The following NBPF3 variants were observed in gnomAD, a reference collection of about 807,000 sequenced individuals.
NBPF3 encodes the protein NBPF member 3, also known as NBPF family member NBPF3.
In NBPF3, 57 loss-of-function variants were observed where a neutral mutation model predicts 78.1. The observed-to-expected ratio is 0.73, with a 90% CI of 0.59 to 0.91. The LOEUF (loss-of-function observed/expected upper bound fraction) is 0.91. Among genes scored for constraint, NBPF3 ranks in the 40% least tolerant of loss-of-function variants. The probability of loss-of-function intolerance (pLI) is 0.00; values close to 1 mark genes in which losing one functional copy is unlikely to be tolerated. For synonymous variants in NBPF3, 182 were observed against 271.7 expected, an observed-to-expected ratio of 0.67 and a Z score of 3.25; for missense variants, 510 against 715.3, an observed-to-expected ratio of 0.71 and a Z score of 3.27.
chr1:21,470,123 A>G (rs7537914), intron 3 of NBPF3, among the ~76,000 whole-genome samples: 101,949 of 152,088 alleles, frequency 0.67, 35,356 homozygotes, highest in South Asian at 0.87. Context: ...CTCATCCTTT[A>G]TGCTTCAGAT....
At chr1:21,467,625 C>G (rs1642350136) in intron 2 of NBPF3, among the ~76,000 whole-genome samples, 1 of 152,176 alleles carries the variant, frequency 6.6e-6, no homozygotes, top group African/African-American at 2.4e-5. Flanking sequence ...TGGCCCTGTT[C>G]TTTTCAGTAT....
At position 21,471,896 on chromosome 1, in the gene NBPF3, A is replaced by T. The variant is rs1366375547; in HGVS notation, c.661+113A>T. ...GGTGGTGTTTTTTCCCACTAAACGT[A>T]TGTGGCCGTGACATAAGTGACATAA... On this transcript the variant is annotated intron_variant, in intron 5 of 14. Coordinates refer to ENST00000318249, the MANE Select transcript of NBPF3 (RefSeq NM_032264.6). The T allele has an allele frequency of 5.0e-6, 7 of 1,409,898 alleles. No individual in the cohort carries two copies. The East Asian group carries it at 7.0e-5, about 14-fold the overall frequency. 87.3% of individuals were successfully genotyped at this position (1,409,898 alleles called of 1,614,324 possible).
At chr1:21,469,845 A>G (rs1263961491) in intron 3 of NBPF3, among the ~76,000 whole-genome samples, 3 of 152,150 alleles carry the variant, frequency 2.0e-5, no homozygotes, top group Non-Finnish European at 2.9e-5. Context: ...CAGTGTGCAG[A>G]CCAGGGACTC....
Position 21,460,084 on chromosome 1 carries a change from G to GT in NBPF3, c.134-8602dup, listed in dbSNP as rs530759759. 5.8e-3 allele frequency: 338 copies of GT among 58,770 alleles called. 100 individuals are homozygous for GT. Among genetic ancestry groups the GT allele is most frequent in the African/African-American group, 0.012 (307 of 24,580 alleles). The allele number at this position is 58,770 out of a possible 1,614,324, so 3.6% of individuals were successfully genotyped here. A position where few individuals can be genotyped will look rare whatever the true frequency, so the allele number is the denominator to read the frequency against. On this transcript the variant is annotated intron_variant, in intron 2 of 14. Coordinates refer to ENST00000318249, the MANE Select transcript of NBPF3 (RefSeq NM_032264.6). This position sits in a 1 kb window ranked among gnomAD's most constrained non-coding sequence, Gnocchi z 4.2. ...TGTAGATAGAGGCGTCCACCTGGCC[G>GT]TTGCGCGGCTGCGGGGGCTCCTCTG... is the stretch of plus-strand genomic sequence containing the variant.
At chr1:21,438,553 C>T (rs2147876086), upstream of NBPF3, among the ~76,000 whole-genome samples, 1 of 152,266 alleles carries the variant, frequency 6.6e-6, no homozygotes, top group Non-Finnish European at 1.5e-5. Context: ...TAGAACAGAA[C>T]AGATTTTGGA....
chr1:21,473,640 T>C lies in NBPF3; in HGVS notation c.940+55T>C. On this transcript the variant is annotated intron_variant, in intron 7 of 14. Transcript: ENST00000318249. ...TTTTCCTATGCTGAGGAATATAAAC[T>C]CTGAAGACAGGCTCTATACACACAG... The C allele has an allele frequency of 1.0e-5, 15 of 1,432,892 alleles. No individual in the cohort carries two copies. The South Asian group carries it at 1.7e-4, about 17-fold the overall frequency. The allele number at this position is 1,432,892 out of a possible 1,614,324, so 88.8% of individuals were successfully genotyped here.
intron 2 of NBPF3, chr1:21,467,173 T>C (rs1415233986): frequency 1.0e-6 from 1 of 985,366 alleles, no homozygotes; most frequent in Non-Finnish European, 1.2e-6. Flanking sequence ...TAAAGCGGTT[T>C]CCTTACAGTG....
At chr1:21,450,106 G>T (rs1641222866) in intron 2 of NBPF3, among the ~76,000 whole-genome samples, 1 of 152,174 alleles carries the variant, frequency 6.6e-6, no homozygotes, top group African/African-American at 2.4e-5. Context: ...AAGCGGCTGG[G>T]TTCTCTGATC....
intron 7 of NBPF3, among the ~76,000 whole-genome samples, chr1:21,473,794 G>A (rs951497520): frequency 6.6e-6 from 1 of 152,218 alleles, no homozygotes; most frequent in Non-Finnish European, 1.5e-5. Context: ...CCAGACAAGT[G>A]TGACAATCTC....
chr1:21,468,661 T>A, intron 2 of NBPF3, 27 bp from the exon 3 acceptor site: 1 of 1,611,768 alleles, frequency 6.2e-7, no homozygotes, highest in East Asian at 2.2e-5. Flanking sequence ...TTTTAACCCA[T>A]CGTGTGTTTG....
Position 21,445,177 on chromosome 1 carries a change from T to A in NBPF3, c.91T>A (p.Ser31Thr), listed in dbSNP as rs757054107. The A allele has an allele frequency of 6.2e-7, 1 of 1,611,888 alleles. No homozygotes were observed. Among genetic ancestry groups the A allele is most frequent in the Admixed American group, 1.7e-5 (1 of 60,014 alleles). Residue 31 changes from serine (S) to threonine (T), a missense_variant, in exon 2 of 15, where the codon TCA (serine) becomes ACA (threonine). Coordinates refer to ENST00000318249, the MANE Select transcript of NBPF3 (RefSeq NM_032264.6). The part of the protein sequence containing the change: ...TSPFGAPRAA[S>T]HGVGRHQELR... ...CCCATTCGGTGCACCAAGAGCAGCCTCACATGGTGTGGGCCGACATCAAGA... is the reference window on the plus strand; with the variant it reads ...CCCATTCGGTGCACCAAGAGCAGCCACACATGGTGTGGGCCGACATCAAGA...
At position 21,468,680 on chromosome 1, in the gene NBPF3, C is replaced by T. The variant is rs765019742; in HGVS notation, c.134-8C>T. 6.2e-6 allele frequency: 10 copies of T among 1,612,808 alleles called. No individual in the cohort carries two copies. In the South Asian group the frequency reaches 1.1e-4, roughly 18 times the overall value. On this transcript the variant is annotated splice_polypyrimidine_tract_variant and splice_region_variant and intron_variant, in intron 2 of 14. Transcript: ENST00000318249. ...AACCCATCGTGTGTTTGGGTGTCTT[C>T]TCCCCAGTCCCTGGCCCCACCTCTT...
chr1:21,447,854 A>G (rs1641079572), intron 2 of NBPF3, among the ~76,000 whole-genome samples: 1 of 152,208 alleles, frequency 6.6e-6, no homozygotes, highest in Admixed American at 6.5e-5. Flanking sequence ...CCATTCTAAT[A>G]CAGTGATATC....
chr1:21,453,549 G>A (rs1219131996), intron 2 of NBPF3: 3 of 152,236 alleles, frequency 2.0e-5, no homozygotes, highest in African/African-American at 7.2e-5. Context: ...AGAACAACAG[G>A]GTTCTGGAAG....
At chr1:21,459,270 A>C (rs1341200653) in intron 2 of NBPF3, among the ~76,000 whole-genome samples, 1 of 152,252 alleles carries the variant, frequency 6.6e-6, no homozygotes, top group Non-Finnish European at 1.5e-5. Context: ...GTCTTGAAGA[A>C]GCAGTAAGTT....
chr1:21,470,541 C>G, intron 3 of NBPF3, 91 bp from the exon 4 acceptor site: 1 of 1,010,558 alleles, frequency 9.9e-7, no homozygotes. Flanking sequence ...CAGTTTTGTC[C>G]TTGGGATGGA....
chr1:21,437,539 G>T, upstream of NBPF3: 1 of 1,362,904 alleles, frequency 7.3e-7, no homozygotes, highest in Non-Finnish European at 9.8e-7. Context: ...GCAGGTGCTG[G>T]GGAGGTCTGA....
intron 2 of NBPF3, among the ~76,000 whole-genome samples, chr1:21,452,250 T>C (rs1220517576): frequency 1.3e-5 from 2 of 152,182 alleles, no homozygotes; most frequent in East Asian, 1.9e-4. Context: ...TGAGCAAACA[T>C]GTGGCCATGA....
At chr1:21,445,269 T>C (rs1413357870) in intron 2 of NBPF3, 50 bp downstream of exon 2, 2 of 1,591,554 alleles carry the variant, frequency 1.3e-6, no homozygotes, top group Non-Finnish European at 1.7e-6. Context: ...GAGTCCTCTT[T>C]CTATTATAAC....
Sources: allele counts gnomAD v4.1 joint callset (sites outside exome capture counted in the v4.1 genomes callset), GRCh38; gene constraint gnomAD v4.1.1; non-coding constraint Gnocchi (gnomAD v3.1); transcripts MANE v1.5; gene names NCBI Gene and HGNC (gene_info 2026-07-23, HGNC 2026-07-21).